Variants in TMEM260 observed in about 807,000 individuals in gnomAD.
TMEM260 encodes protein O-mannosyl-transferase TMEM260.
Under a neutral mutation model 88.9 loss-of-function variants are expected in TMEM260, and 82 were observed. The observed-to-expected ratio is 0.92, with a 90% CI of 0.77 to 1.11. TMEM260 has a LOEUF of 1.11. Ranked by LOEUF, TMEM260 falls within the 50% of genes least tolerant of loss-of-function variation. TMEM260 has a pLI of 0.00. For synonymous variants in TMEM260, 314 were observed against 309.3 expected (o/e 1.02, Z -0.16); for missense variants, 902 against 853.4 (o/e 1.06, Z -0.71).
At chr14:56,605,805 C>A in intron 5 of TMEM260, 122 bp downstream of exon 5, 2 of 569,684 alleles carry the variant, frequency 3.5e-6, no homozygotes, top group Non-Finnish European at 6.0e-6. Flanking sequence ...CATAAATAAC[C>A]CTAGGGCCTA....
In TMEM260 at chr14:56,579,808, C is replaced by A; in HGVS notation, c.-107C>A. On this transcript the variant is annotated 5_prime_UTR_variant, in exon 1 of 16. Coordinates refer to ENST00000261556, the MANE Select transcript of TMEM260 (RefSeq NM_017799.4). ...AACCCGCGGAGGCTCGACCCGGAAG[C>A]CGCCGTGGCCGCCGCACAAGCTGCG... The A allele has an allele frequency of 8.9e-7, 1 of 1,123,244 alleles. No individual in the cohort carries two copies. The highest frequency in any genetic ancestry group is 1.1e-6 in the Non-Finnish European group (1 of 889,924). The allele number at this position is 1,123,244 out of a possible 1,614,324, so 69.6% of individuals were successfully genotyped here.
At chr14:56,627,924 C>G (rs370798727) in intron 12 of TMEM260, among the ~76,000 whole-genome samples, 6 of 152,286 alleles carry the variant, frequency 3.9e-5, no homozygotes, top group Admixed American at 3.3e-4. Flanking sequence ...TCTCCTCAGG[C>G]CTAACCCTGG....
chr14:56,656,792 T>A, the TMEM260 span, among the ~76,000 whole-genome samples: 1 of 152,156 alleles, frequency 6.6e-6, no homozygotes, highest in African/African-American at 2.4e-5. Flanking sequence ...TGTGAATATC[T>A]GGGAATTAGA....
the TMEM260 span, among the ~76,000 whole-genome samples, chr14:56,658,966 T>C: frequency 1.3e-5 from 2 of 151,596 alleles, no homozygotes; most frequent in African/African-American, 4.8e-5. Flanking sequence ...CCGACCTCAG[T>C]TGATCCGCCC....
chr14:56,658,378 G>A, the TMEM260 span, among the ~76,000 whole-genome samples: 1 of 151,936 alleles, frequency 6.6e-6, no homozygotes. Flanking sequence ...CTCCTGAGTA[G>A]CTGGGAATAC....
chr14:56,633,366 G>A (rs1888773910), intron 13 of TMEM260, 195 bp downstream of exon 13: 2 of 452,434 alleles, frequency 4.4e-6, no homozygotes, highest in African/African-American at 2.0e-5. Flanking sequence ...AGAACAATGG[G>A]GAGAGAGGAG....
chr14:56,611,342 T>C (rs1188845492), intron 6 of TMEM260, among the ~76,000 whole-genome samples: 1 of 152,188 alleles, frequency 6.6e-6, no homozygotes, highest in African/African-American at 2.4e-5. Context: ...AAAAATTCAA[T>C]AAGACTCTGA....
intron 3 of TMEM260, among the ~76,000 whole-genome samples, chr14:56,600,923 A>G (rs1886534875): frequency 6.6e-6 from 1 of 152,218 alleles, no homozygotes; most frequent in South Asian, 2.1e-4. Context: ...GTGGTTTCAC[A>G]AATTATTTCT....
chr14:56,583,178 C>A (rs1003757246), intron 1 of TMEM260, among the ~76,000 whole-genome samples: 1 of 152,080 alleles, frequency 6.6e-6, no homozygotes, highest in Non-Finnish European at 1.5e-5. Flanking sequence ...AAGAGCTAAT[C>A]CATTATGGAG....
intron 15 of TMEM260, among the ~76,000 whole-genome samples, chr14:56,643,961 A>C (rs1889782729): frequency 2.0e-5 from 3 of 152,110 alleles, no homozygotes; most frequent in Admixed American, 2.0e-4. Context: ...GATGTGAAGG[A>C]CCTCTTCAAG....
At chr14:56,612,324 C>A (rs370505147) in intron 7 of TMEM260, 39 bp downstream of exon 7, 630 of 1,524,306 alleles carry the variant, frequency 4.1e-4, no homozygotes, top group South Asian at 5.2e-4. Context: ...AAAATGAATT[C>A]TCTATTAGTT....
chr14:56,613,843 T>C (rs986267460), intron 7 of TMEM260: 1 of 150,770 alleles, frequency 6.6e-6, no homozygotes, highest in African/African-American at 2.4e-5. Flanking sequence ...GAGGATCGCT[T>C]GAGCCCAGGA....
intron 6 of TMEM260, among the ~76,000 whole-genome samples, chr14:56,611,928 C>T (rs1455052229): frequency 6.6e-6 from 1 of 152,054 alleles, no homozygotes; most frequent in African/African-American, 2.4e-5. Flanking sequence ...CACATGTTCT[C>T]ATTTATAAGT....
At chr14:56,636,235 A>T (rs1205046533) in intron 14 of TMEM260, among the ~76,000 whole-genome samples, 1 of 152,110 alleles carries the variant, frequency 6.6e-6, no homozygotes, top group Non-Finnish European at 1.5e-5. Context: ...TAACAATAAC[A>T]TACATTTGGA....
At chr14:56,580,907 AG>A (rs1428409178) in intron 1 of TMEM260, among the ~76,000 whole-genome samples, 1 of 152,212 alleles carries the variant, frequency 6.6e-6, no homozygotes, top group African/African-American at 2.4e-5. Flanking sequence ...CTGCATGACT[AG>A]TGATCCCCAA....
chr14:56,654,814 CAAAAAAAAAA>C (rs750160414), downstream of TMEM260, among the ~76,000 whole-genome samples: 2 of 51,790 alleles, frequency 3.9e-5, no homozygotes, highest in Non-Finnish European at 6.3e-5. Context: ...AACTCCATCT[CAAAAAAAAAA>C]AAAAAAAAAA....
Position 56,588,471 on chromosome 14 carries a change from G to A in TMEM260, c.344+2559G>A, listed in dbSNP as rs565578297. On this transcript the variant is annotated intron_variant, in intron 3 of 15. Transcript: ENST00000261556. The stretch of plus-strand genomic sequence containing the variant: ...CTTAGATTGAAAGACCAATTTATTC[G>A]TTGTTTCCAATTACTATGTAATTTT... 3.0e-4 allele frequency among the ~76,000 whole-genome samples: 46 copies of A among 151,950 alleles called. No homozygotes were observed. In the South Asian group the frequency reaches 7.5e-3, roughly 25 times the overall value.
At chr14:56,644,169 A>G (rs1889797794) in intron 15 of TMEM260, among the ~76,000 whole-genome samples, 2 of 152,214 alleles carry the variant, frequency 1.3e-5, no homozygotes, top group Non-Finnish European at 2.9e-5. Flanking sequence ...TAAAGTTCAT[A>G]TGGAACCAAA....
At chr14:56,627,271 A>T (rs1033545966) in intron 12 of TMEM260, among the ~76,000 whole-genome samples, 3 of 152,164 alleles carry the variant, frequency 2.0e-5, no homozygotes, top group African/African-American at 7.2e-5. Context: ...TTACAGAATG[A>T]GAAATGTTTT....
Sources: allele counts gnomAD v4.1 joint callset (sites outside exome capture counted in the v4.1 genomes callset), GRCh38; gene constraint gnomAD v4.1.1; transcripts MANE v1.5; gene names NCBI Gene and HGNC (gene_info 2026-07-23, HGNC 2026-07-21).